Variants in B4GALNT3 observed in about 807,000 individuals in gnomAD.
The protein encoded by B4GALNT3 is beta-1,4-N-acetylgalactosaminyltransferase 3.
A neutral mutation model predicts 120.2 loss-of-function variants in B4GALNT3; 86 were observed. That is an observed-to-expected ratio of 0.72 (90% CI 0.60 to 0.86). B4GALNT3 has a LOEUF of 0.86. Ranked by LOEUF, B4GALNT3 falls within the 40% of genes least tolerant of loss-of-function variation. B4GALNT3 has a pLI of 0.00. For missense variants in B4GALNT3, 1,167 were observed against 1,298.9 expected (o/e 0.90, Z 1.56); for synonymous variants, 518 against 510.4 (o/e 1.01, Z -0.20).
At chr12:477,070 A>G (rs1946192908) in intron 1 of B4GALNT3, among the ~76,000 whole-genome samples, 1 of 152,204 alleles carries the variant, frequency 6.6e-6, no homozygotes, top group African/African-American at 2.4e-5. Context: ...TGAAGAATTG[A>G]AAGCCTGGAG....
intron 1 of B4GALNT3, among the ~76,000 whole-genome samples, chr12:520,608 G>T (rs950529118): frequency 6.6e-6 from 1 of 152,254 alleles, no homozygotes; most frequent in Admixed American, 6.5e-5. Flanking sequence ...ATTGCTGAAA[G>T]GTAAGAGTAG....
chr12:497,240 G>A (rs1272261654), intron 1 of B4GALNT3, among the ~76,000 whole-genome samples: 4 of 152,064 alleles, frequency 2.6e-5, no homozygotes, highest in Non-Finnish European at 4.4e-5. Context: ...TGCAACCTCC[G>A]CCTCCCGGGT....
At chr12:526,751 C>T (rs1042495571) in intron 1 of B4GALNT3, among the ~76,000 whole-genome samples, 1 of 152,156 alleles carries the variant, frequency 6.6e-6, no homozygotes, top group African/African-American at 2.4e-5. Context: ...GCTAAACCTT[C>T]TGTGGCCTCT....
chr12:521,525 C>T (rs938264098), intron 1 of B4GALNT3, among the ~76,000 whole-genome samples: 4 of 152,062 alleles, frequency 2.6e-5, no homozygotes, highest in Admixed American at 2.0e-4. Context: ...GAAGAGAGGG[C>T]GGAGAGGCAG....
chr12:531,736 C>T (rs571363440), intron 1 of B4GALNT3, among the ~76,000 whole-genome samples: 135 of 152,214 alleles, frequency 8.9e-4, no homozygotes, highest in Non-Finnish European at 1.5e-3. Context: ...TCTTCCGACT[C>T]CCAAATCCAA....
chr12:514,780 G>A (rs1946636507), intron 1 of B4GALNT3, among the ~76,000 whole-genome samples: 1 of 152,002 alleles, frequency 6.6e-6, no homozygotes, highest in African/African-American at 2.4e-5. Context: ...TGTAATCCCA[G>A]CACTTTGGAA....
chr12:526,835 A>C (rs1245810433), intron 1 of B4GALNT3, among the ~76,000 whole-genome samples: 3 of 152,228 alleles, frequency 2.0e-5, no homozygotes, highest in Non-Finnish European at 4.4e-5. Context: ...CCATATTCCC[A>C]GAGCAGCGAC....
intron 1 of B4GALNT3, among the ~76,000 whole-genome samples, chr12:477,167 T>C (rs2120457416): frequency 6.6e-6 from 1 of 152,360 alleles, no homozygotes; most frequent in Middle Eastern, 3.4e-3. Flanking sequence ...ACTCACCCTC[T>C]GCCTTCGCTC....
rs386375353 is a variant in B4GALNT3, at chr12:474,947, C to CAAAAAAAAA, written c.169+14414_169+14422dup. On this transcript the variant is annotated intron_variant, in intron 1 of 19. Transcript: ENST00000266383. ...TGGGTGACAGAGGGAGACCTTGTCT[C>CAAAAAAAAA]AAAAAAAAAAAAAAAAAAAAGCCAA... Among the ~76,000 whole-genome samples, 12 of 60,612 alleles carry CAAAAAAAAA rather than the reference C, an allele frequency of 2.0e-4. 1 individual carries two copies. The highest frequency in any genetic ancestry group is 6.8e-4 in the African/African-American group (9 of 13,312). 39.8% of individuals were successfully genotyped at this position (60,612 alleles called of 152,430 possible). A position where few individuals can be genotyped will look rare whatever the true frequency, so the allele number is the denominator to read the frequency against.
At chr12:546,984 C>T (rs1947015583) in intron 7 of B4GALNT3, among the ~76,000 whole-genome samples, 1 of 152,198 alleles carries the variant, frequency 6.6e-6, no homozygotes, top group Non-Finnish European at 1.5e-5. Flanking sequence ...TCTCCTTCCT[C>T]CCAGTCCTTG....
chr12:554,586 C>T (rs958334890), intron 14 of B4GALNT3, among the ~76,000 whole-genome samples: 70 of 150,542 alleles, frequency 4.6e-4, no homozygotes, highest in South Asian at 8.4e-4. Flanking sequence ...GTCAGGAGAT[C>T]GAGACCATCC....
intron 19 of B4GALNT3, 112 bp downstream of exon 19, chr12:559,533 A>G (rs1947200934): frequency 4.7e-6 from 7 of 1,479,242 alleles, no homozygotes; most frequent in Non-Finnish European, 5.5e-6. Context: ...GTCCCAAAGC[A>G]CAGTAAAGAG....
At chr12:529,463 G>A (rs1418021164) in intron 1 of B4GALNT3, among the ~76,000 whole-genome samples, 1 of 152,220 alleles carries the variant, frequency 6.6e-6, no homozygotes, top group Non-Finnish European at 1.5e-5. Context: ...CAAGCAGTAA[G>A]ATGTGGAGTG....
At position 517,823 on chromosome 12, in the gene B4GALNT3, G is replaced by A. The variant is rs116331686; in HGVS notation, c.170-17343G>A. ...CCAGTCCAGCCATGCATTAGCGGCC[G>A]TGGCAGGACCATCAGCCATGACTTA... On this transcript the variant is annotated intron_variant, in intron 1 of 19. Coordinates refer to ENST00000266383, the MANE Select transcript of B4GALNT3 (RefSeq NM_173593.4). Among the ~76,000 whole-genome samples, 287 of 152,328 alleles carry A rather than the reference G, an allele frequency of 1.9e-3. 1 individual carries two copies. Among genetic ancestry groups the A allele is most frequent in the African/African-American group, 6.5e-3 (269 of 41,574 alleles).
chr12:561,580 C>A lies in B4GALNT3; in HGVS notation c.*129C>A. 1.4e-6 allele frequency: 1 copy of A among 694,112 alleles called. No individual in the cohort carries two copies. Among genetic ancestry groups the A allele is most frequent in the Non-Finnish European group, 2.4e-6 (1 of 414,888 alleles). 43.0% of individuals were successfully genotyped at this position (694,112 alleles called of 1,614,324 possible). Reference sequence around the variant, plus strand: ...CCCAAGAGGCCTCGAAGCTGACGGCCCACTCCACCTGGAGCTGTCCCCTCA... The same window carrying A: ...CCCAAGAGGCCTCGAAGCTGACGGCACACTCCACCTGGAGCTGTCCCCTCA... On this transcript the variant is annotated 3_prime_UTR_variant, in exon 20 of 20. Coordinates refer to ENST00000266383, the MANE Select transcript of B4GALNT3 (RefSeq NM_173593.4).
chr12:530,452 G>A lies in B4GALNT3; in HGVS notation c.170-4714G>A, dbSNP rs189789832. 2.5e-3 allele frequency among the ~76,000 whole-genome samples: 381 copies of A among 152,342 alleles called. 3 individuals carry two copies. Among genetic ancestry groups the A allele is most frequent in the Admixed American group, 0.022 (343 of 15,308 alleles). On this transcript the variant is annotated intron_variant, in intron 1 of 19. Coordinates refer to ENST00000266383, the MANE Select transcript of B4GALNT3 (RefSeq NM_173593.4). ...TAACACCAATGCCAGCCTGGGCAGC[G>A]AGAGACTTCCTTTCTCTTGGGTATG...
At chr12:549,552 G>A (rs1287156526) in intron 9 of B4GALNT3, among the ~76,000 whole-genome samples, 1 of 152,274 alleles carries the variant, frequency 6.6e-6, no homozygotes, top group African/African-American at 2.4e-5. Flanking sequence ...ACACAGTCGT[G>A]TGGGTCAGCC....
chr12:548,180 A>G lies in B4GALNT3; in HGVS notation c.787-51A>G, dbSNP rs1168762596. The G allele has an allele frequency of 1.9e-6, 3 of 1,609,312 alleles. No homozygotes were observed. The African/African-American group carries it at 4.0e-5, about 22-fold the overall frequency. On this transcript the variant is annotated intron_variant, in intron 8 of 19. Transcript: ENST00000266383. This position sits in a 1 kb window ranked among gnomAD's most constrained non-coding sequence, Gnocchi z 4.9. ...CCCCTTGTCCCTTGACCCCTGTTGG[A>G]AATCCAGCTACCTCCCACCTTCTGC...
chr12:487,686 C>T (rs868208145), intron 1 of B4GALNT3, among the ~76,000 whole-genome samples: 16 of 149,050 alleles, frequency 1.1e-4, no homozygotes, highest in Admixed American at 2.0e-4. Flanking sequence ...GCACTCCAGC[C>T]TGGGCAACAG....
Sources: allele counts gnomAD v4.1 joint callset (sites outside exome capture counted in the v4.1 genomes callset), GRCh38; gene constraint gnomAD v4.1.1; non-coding constraint Gnocchi (gnomAD v3.1); transcripts MANE v1.5; gene names NCBI Gene and HGNC (gene_info 2026-07-23, HGNC 2026-07-21).